LRRC49: variants seen among roughly 807,000 people sequenced by gnomAD.
The protein encoded by LRRC49 is leucine-rich repeat-containing protein 49.
LRRC49 carries 50 observed loss-of-function variants against 83.3 expected under a neutral mutation model. The ratio of observed to expected loss-of-function variants is 0.60; its 90% CI spans 0.48 to 0.76. The LOEUF (loss-of-function observed/expected upper bound fraction) is 0.76. LRRC49 is among the 30% of genes least tolerant of loss of function. LRRC49 has a pLI of 0.00. For missense variants in LRRC49, 704 were observed against 809.1 expected (o/e 0.87, Z 1.58); for synonymous variants, 286 against 283.3 (o/e 1.01, Z -0.10).
intron 5 of LRRC49, among the ~76,000 whole-genome samples, chr15:70,911,193 C>T (rs1412411632): frequency 6.6e-6 from 1 of 152,174 alleles, no homozygotes; most frequent in African/African-American, 2.4e-5. Context: ...GCTGAAAGGT[C>T]AGCAGCCAGG....
intron 1 of LRRC49, among the ~76,000 whole-genome samples, chr15:70,871,879 G>C (rs1475766043): frequency 4.0e-5 from 6 of 151,470 alleles, no homozygotes. Context: ...AGACGGGATG[G>C]TGGCCGGGAA....
chr15:70,984,151 C>T lies in LRRC49; in HGVS notation c.1063C>T (p.Arg355Ter), dbSNP rs201403920. ...TCGACAGTGGGACTTGCAACAACAA[C>T]GAGTAGCCAATATTGCTACAAATGA... ...VARQWDLQQQ[R>*]VANIATNEDR... is the part of the protein sequence containing the mutation. The change falls in exon 11 of 16, where the codon CGA (arginine) becomes TGA (stop). Residue 355 changes from arginine (R) to a stop codon, truncating the protein, a stop_gained. Transcript: ENST00000260382. LOFTEE classifies it high-confidence loss of function. 2 of 1,479,622 alleles carry T rather than the reference C, an allele frequency of 1.4e-6. No individual in the cohort carries two copies. The highest frequency in any genetic ancestry group is 1.1e-5 in the South Asian group (1 of 87,690). 91.7% of individuals were successfully genotyped at this position (1,479,622 alleles called of 1,614,324 possible). A position where few individuals can be genotyped will look rare whatever the true frequency, so the allele number is the denominator to read the frequency against.
intron 7 of LRRC49, among the ~76,000 whole-genome samples, chr15:70,920,757 TAAG>T (rs957289006): frequency 2.6e-5 from 4 of 152,304 alleles, no homozygotes; most frequent in East Asian, 3.9e-4. Context: ...TTCTAAAAGT[TAAG>T]AAGACAGTAG....
intron 1 of LRRC49, among the ~76,000 whole-genome samples, chr15:70,869,633 A>G (rs2032986890): frequency 6.6e-6 from 1 of 152,204 alleles, no homozygotes; most frequent in African/African-American, 2.4e-5. Context: ...TGTCAGTACA[A>G]TACAGGCCCA....
chr15:71,025,222 G>C (rs888888838), intron 14 of LRRC49, among the ~76,000 whole-genome samples: 1 of 152,116 alleles, frequency 6.6e-6, no homozygotes, highest in Non-Finnish European at 1.5e-5. Flanking sequence ...TCCATGAGAA[G>C]ATCAACCCCA....
intron 11 of LRRC49, among the ~76,000 whole-genome samples, chr15:71,008,080 T>C (rs1259785614): frequency 6.6e-6 from 1 of 151,862 alleles, no homozygotes; most frequent in Non-Finnish European, 1.5e-5. Context: ...ATAACCATAA[T>C]GTAGTAAACG....
chr15:71,001,592 A>G (rs1567092926), intron 11 of LRRC49, among the ~76,000 whole-genome samples: 1 of 151,924 alleles, frequency 6.6e-6, no homozygotes. Flanking sequence ...CCCCTACTGC[A>G]CTTGTTGTTG....
chr15:70,972,456 T>C (rs968294858), intron 9 of LRRC49, among the ~76,000 whole-genome samples: 3 of 152,210 alleles, frequency 2.0e-5, no homozygotes, highest in African/African-American at 7.2e-5. Context: ...CTGATGATTA[T>C]GTGTCTTGAG....
chr15:71,022,011 A>T (rs1286718658), intron 14 of LRRC49, among the ~76,000 whole-genome samples: 1 of 152,206 alleles, frequency 6.6e-6, no homozygotes, highest in Non-Finnish European at 1.5e-5. Flanking sequence ...AGGAAGCCAT[A>T]ATACAACCAT....
rs925464590 is a variant in LRRC49, at chr15:71,009,956, A to G, written c.1557A>G (p.Leu519=). The G allele has an allele frequency of 1.9e-5, 31 of 1,601,788 alleles. No homozygotes were observed. The highest frequency in any genetic ancestry group is 2.6e-5 in the Non-Finnish European group (30 of 1,173,778). Residue 519 remains leucine (L), a synonymous_variant, in exon 13 of 16, where the codon CTA becomes CTG. Coordinates refer to ENST00000260382, the MANE Select transcript of LRRC49 (RefSeq NM_017691.5). The stretch of plus-strand genomic sequence containing the variant: ...GGAAATACTATGTACTGTTTAGGCT[A>G]AGCCATTTCAGTATGCAGAAAATAA... ...TLWKYYVLFR[L]SHFSMQKING...
rs377573481 is a variant in LRRC49, at chr15:70,980,095, T to G, written c.922-6T>G. On this transcript the variant is annotated splice_region_variant and splice_polypyrimidine_tract_variant and intron_variant, in intron 9 of 15. Coordinates refer to ENST00000260382, the MANE Select transcript of LRRC49 (RefSeq NM_017691.5). Reference sequence around the variant, plus strand: ...TTCATAATACTTTTCGGAAAATGTCTTTTAGGAAGAAGAAAGGCGTATGGC... The same window carrying G: ...TTCATAATACTTTTCGGAAAATGTCGTTTAGGAAGAAGAAAGGCGTATGGC... 1 of 1,597,374 alleles carries G rather than the reference T, an allele frequency of 6.3e-7. No individual in the cohort carries two copies. Among genetic ancestry groups the G allele is most frequent in the Admixed American group, 1.7e-5 (1 of 57,394 alleles).
At position 71,009,807 on chromosome 15, in the gene LRRC49, C is replaced by A; in HGVS notation, c.1408C>A (p.His470Asn). ...CTGTATTTGTGTTTTATCATTGCAG[C>A]ACCTTAAATTCAAGGAAACAAATCT... ...KLKIKFPNSL[H>N]LKFKETNLVM... Residue 470 changes from histidine (H) to asparagine (N), a missense_variant and splice_region_variant, in exon 13 of 16, where the codon CAC becomes AAC. His to Asn is a moderately conservative substitution (Grantham distance 68, BLOSUM62 1). Transcript: ENST00000260382. 1 of 1,607,144 alleles carries A rather than the reference C, an allele frequency of 6.2e-7. No homozygotes were observed. The highest frequency in any genetic ancestry group is 8.5e-7 in the Non-Finnish European group (1 of 1,174,946).
At chr15:70,954,478 A>G (rs929212344) in intron 8 of LRRC49, among the ~76,000 whole-genome samples, 2 of 152,134 alleles carry the variant, frequency 1.3e-5, no homozygotes, top group Non-Finnish European at 2.9e-5. Context: ...AGCTAGTGTG[A>G]TCATCTGGAG....
At position 70,901,034 on chromosome 15, in the gene LRRC49, ATTTCT is replaced by A. The variant is rs757976028; in HGVS notation, c.296+24_296+28del. On this transcript the variant is annotated intron_variant, in intron 4 of 15. Transcript: ENST00000260382. ...GGTTGAGCCTAGAAAGGTGAGGACA[ATTTCT>A]TTTCTTTTCTTTTTTTTGACTAGGT... 5.8e-6 allele frequency: 9 copies of A among 1,539,586 alleles called. No individual in the cohort carries two copies. Among genetic ancestry groups the A allele is most frequent in the South Asian group, 4.7e-5 (4 of 85,522 alleles).
intron 11 of LRRC49, among the ~76,000 whole-genome samples, chr15:70,989,279 A>T (rs535697579): frequency 6.6e-6 from 1 of 152,294 alleles, no homozygotes; most frequent in Non-Finnish European, 1.5e-5. Flanking sequence ...TACACCAATC[A>T]GACGTAGATT....
intron 14 of LRRC49, among the ~76,000 whole-genome samples, chr15:71,030,570 T>C (rs572853064): frequency 4.8e-4 from 73 of 152,324 alleles, no homozygotes; most frequent in African/African-American, 1.7e-3. Flanking sequence ...CCTGTCTTGC[T>C]AGGTTGGGGA....
chr15:71,043,537 G>A (rs1468866466), intron 15 of LRRC49, among the ~76,000 whole-genome samples: 2 of 152,174 alleles, frequency 1.3e-5, no homozygotes, highest in African/African-American at 2.4e-5. Flanking sequence ...TGTCTCTAAC[G>A]TGCTTTCAAT....
At position 70,984,183 on chromosome 15, in the gene LRRC49, A is replaced by G; in HGVS notation, c.1095A>G (p.Arg365=). Residue 365 remains arginine, a synonymous_variant, in exon 11 of 16, where the codon AGA becomes AGG. Coordinates refer to ENST00000260382, the MANE Select transcript of LRRC49 (RefSeq NM_017691.5). ...RVANIATNED[R]KDSDSPQDPC... ...CCAATATTGCTACAAATGAAGATAG[A>G]AAAGATTCTGACTCTCCTCAGGACC... 1 of 1,613,540 alleles carries G rather than the reference A, an allele frequency of 6.2e-7. No individual in the cohort carries two copies. Among genetic ancestry groups the G allele is most frequent in the Admixed American group, 1.7e-5 (1 of 59,960 alleles).
chr15:70,932,095 G>T (rs1423596800), intron 7 of LRRC49, among the ~76,000 whole-genome samples: 2 of 152,066 alleles, frequency 1.3e-5, no homozygotes, highest in East Asian at 3.9e-4. Flanking sequence ...TTTTGCTCTG[G>T]GGTATTAAAA....
Sources: allele counts gnomAD v4.1 joint callset (sites outside exome capture counted in the v4.1 genomes callset), GRCh38; gene constraint gnomAD v4.1.1; transcripts MANE v1.5; gene names NCBI Gene and HGNC (gene_info 2026-07-23, HGNC 2026-07-21).